The following GSS variants were observed in gnomAD, a reference collection of about 807,000 sequenced individuals.
GSS encodes the protein glutathione synthetase, also known as GSH synthetase.
In GSS, 34 loss-of-function variants were observed where a neutral mutation model predicts 60.4. The observed-to-expected ratio is 0.56, with a 90% confidence interval of 0.43 to 0.75. The LOEUF is 0.75. GSS is among the 30% of genes least tolerant of loss of function. The pLI, the probability that GSS is intolerant of heterozygous loss-of-function variation, is 0.00. For missense variants in GSS, 499 were observed against 595.1 expected, an observed-to-expected ratio of 0.84 and a Z score of 1.68; for synonymous variants, 224 against 239.0, an observed-to-expected ratio of 0.94 and a Z score of 0.58.
At position 34,942,486 on chromosome 20, in the gene GSS, A is replaced by G; in HGVS notation, c.491+2T>C. ...ATGCCGGGGGCTGCCCAGGGGACCCACCGGTGCACAGCTGGGGTCCGGGAG... is the reference window on the plus strand; with the variant it reads ...ATGCCGGGGGCTGCCCAGGGGACCCGCCGGTGCACAGCTGGGGTCCGGGAG... On this transcript the variant is annotated splice_donor_variant, in intron 5 of 12. Transcript: ENST00000651619. LOFTEE classifies it high-confidence loss of function. The G allele has an allele frequency of 6.2e-7, 1 of 1,613,118 alleles. No individual in the cohort carries two copies. The highest frequency in any genetic ancestry group is 8.5e-7 in the Non-Finnish European group (1 of 1,179,546).
chr20:34,929,706 T>C (rs2081385053), intron 11 of GSS, 116 bp from the exon 12 acceptor site: 1 of 876,316 alleles, frequency 1.1e-6, no homozygotes, highest in African/African-American at 1.6e-5. Context: ...ACCCGCTCAG[T>C]GAAGCCAGGG....
intron 10 of GSS, 121 bp from the exon 11 acceptor site, chr20:34,931,538 T>G: frequency 1.3e-6 from 1 of 795,306 alleles, no homozygotes; most frequent in Non-Finnish European, 2.2e-6. Flanking sequence ...AGCCACAAAT[T>G]CCTTCAGGCA....
chr20:34,938,564 G>A (rs575910939), intron 6 of GSS, among the ~76,000 whole-genome samples: 2 of 152,234 alleles, frequency 1.3e-5, no homozygotes, highest in African/African-American at 2.4e-5. Context: ...AAACTGTCCC[G>A]CTCATGGGTG....
intron 8 of GSS, 149 bp from the exon 9 acceptor site, chr20:34,935,791 TGAAAGTAGATATCCACACTACCAGG>T: frequency 1.4e-6 from 1 of 690,058 alleles, no homozygotes; most frequent in Non-Finnish European, 2.6e-6. Flanking sequence ...CTGGAACCAG[TGAAAGTAGATATCCACACTACCAGG>T]GCTTCCACTG....
intron 4 of GSS, 35 bp from the exon 5 acceptor site, chr20:34,942,662 C>T (rs1291825653): frequency 2.5e-6 from 4 of 1,610,708 alleles, no homozygotes; most frequent in Non-Finnish European, 3.4e-6. Flanking sequence ...AGTACCTGCC[C>T]AGGGACTGAC....
intron 2 of GSS, chr20:34,950,007 T>G (rs1569017940): frequency 2.3e-5 from 1 of 44,404 alleles, no homozygotes; most frequent in Non-Finnish European, 4.7e-5. Context: ...TCTCTCTCTC[T>G]CTCTCTCACA....
At chr20:34,948,911 C>T (rs1569017298) in intron 2 of GSS, among the ~76,000 whole-genome samples, 1 of 152,152 alleles carries the variant, frequency 6.6e-6, no homozygotes, top group East Asian at 1.9e-4. Flanking sequence ...GTACTTGCAT[C>T]TTCTCTAAAG....
intron 1 of GSS, chr20:34,954,548 CTGTCAA>C (rs2081601986): frequency 7.0e-6 from 1 of 143,636 alleles, no homozygotes; most frequent in African/African-American, 2.8e-5. Flanking sequence ...GAGCAAAGCT[CTGTCAA>C]AAAAAAAAAA....
intron 5 of GSS, 37 bp from the exon 6 acceptor site, chr20:34,941,866 G>T: frequency 9.1e-7 from 1 of 1,098,756 alleles, no homozygotes; most frequent in Non-Finnish European, 1.4e-6. Flanking sequence ...TAATTGGATG[G>T]ACCTGGAAGA....
At chr20:34,943,672 A>C (rs2081501899) in intron 3 of GSS, among the ~76,000 whole-genome samples, 1 of 152,072 alleles carries the variant, frequency 6.6e-6, no homozygotes, top group Admixed American at 6.5e-5. Context: ...TCCCCCTACT[A>C]TGTGTTCTCA....
At chr20:34,935,685 T>A in intron 8 of GSS, 43 bp from the exon 9 acceptor site, 1 of 1,455,618 alleles carries the variant, frequency 6.9e-7, no homozygotes, top group Non-Finnish European at 9.7e-7. Flanking sequence ...AAATTATAAC[T>A]GATTTGTTCA....
At chr20:34,933,408 G>C (rs984737775) in intron 9 of GSS, among the ~76,000 whole-genome samples, 6 of 152,174 alleles carry the variant, frequency 3.9e-5, no homozygotes, top group African/African-American at 1.4e-4. Context: ...ATGAACACAG[G>C]TCTCAAGTGG....
At chr20:34,951,951 G>A (rs1202481567) in intron 1 of GSS, 91 bp from the exon 2 acceptor site, 84 of 1,340,638 alleles carry the variant, frequency 6.3e-5, no homozygotes, top group Non-Finnish European at 8.5e-5. Flanking sequence ...CAACACAGCA[G>A]GACCCTGACC....
At chr20:34,935,728 G>A in intron 8 of GSS, 86 bp from the exon 9 acceptor site, 1 of 1,126,420 alleles carries the variant, frequency 8.9e-7, no homozygotes, top group Non-Finnish European at 1.3e-6. Context: ...GCATCAAGAT[G>A]AATTTGGCTT....
At chr20:34,935,063 AT>A (rs2081430430) in intron 9 of GSS, among the ~76,000 whole-genome samples, 1 of 152,192 alleles carries the variant, frequency 6.6e-6, no homozygotes, top group African/African-American at 2.4e-5. Context: ...TAGTTTCTCC[AT>A]CTGTATAATG....
At position 34,929,418 on chromosome 20, in the gene GSS, G is replaced by T; in HGVS notation, c.1284C>A (p.Ile428=). The T allele has an allele frequency of 6.2e-7, 1 of 1,614,036 alleles. No individual in the cohort carries two copies. The highest frequency in any genetic ancestry group is 8.5e-7 in the Non-Finnish European group (1 of 1,179,914). The change falls in exon 12 of 13, where the codon ATC becomes ATA. Residue 428 remains isoleucine (I), a synonymous_variant. Coordinates refer to ENST00000651619, the MANE Select transcript of GSS (RefSeq NM_000178.4). ...TGGCTCACCTGACATAGACCCCAAAGATGCCCAGCTCTGAAATGCACTGGA... is the reference window on the plus strand; with the variant it reads ...TGGCTCACCTGACATAGACCCCAAATATGCCCAGCTCTGAAATGCACTGGA... ...RVVQCISELG[I]FGVYVRQEKT...
intron 3 of GSS, among the ~76,000 whole-genome samples, chr20:34,945,601 C>T (rs1483652529): frequency 6.6e-6 from 1 of 152,156 alleles, no homozygotes; most frequent in African/African-American, 2.4e-5. Context: ...CCTCCAAAAC[C>T]AGGCTGACTT....
At chr20:34,941,933 A>T in intron 5 of GSS, 104 bp from the exon 6 acceptor site, 1 of 764,922 alleles carries the variant, frequency 1.3e-6, no homozygotes, top group Non-Finnish European at 2.4e-6. Flanking sequence ...TCAGCTGAGC[A>T]CTAAAAAGCA....
chr20:34,948,552 G>A (rs1018116663), intron 2 of GSS, among the ~76,000 whole-genome samples: 2 of 152,138 alleles, frequency 1.3e-5, no homozygotes, highest in East Asian at 3.9e-4. Context: ...TTGGGAGGCC[G>A]AGGCGGGCAG....
Sources: allele counts gnomAD v4.1 joint callset (sites outside exome capture counted in the v4.1 genomes callset), GRCh38; gene constraint gnomAD v4.1.1; transcripts MANE v1.5; gene names NCBI Gene and HGNC (gene_info 2026-07-23, HGNC 2026-07-21).